Variants in KANSL1 observed in about 807,000 individuals in gnomAD.
KANSL1 encodes KAT8 regulatory NSL complex subunit 1, also known as MLL1/MLL complex subunit KANSL1.
KANSL1 carries 22 observed loss-of-function variants against 103.6 expected under a neutral mutation model. The observed-to-expected ratio is 0.21, with a 90% CI of 0.15 to 0.30. The LOEUF is 0.30. KANSL1 is among the 10% of genes least tolerant of loss of function. KANSL1 has a pLI of 1.00. For missense variants in KANSL1, 1,337 were observed against 1,399.8 expected, an observed-to-expected ratio of 0.96 and a Z score of 0.72; for synonymous variants, 600 against 527.6, an observed-to-expected ratio of 1.14 and a Z score of -1.88.
chr17:46,094,324 T>A, intron 3 of KANSL1: 2 of 530,782 alleles, frequency 3.8e-6, no homozygotes, highest in Middle Eastern at 4.9e-4. Context: ...CTCGAACTCC[T>A]GAGCTCAAAT....
At chr17:46,141,294 A>G (rs2147368462) in intron 2 of KANSL1, among the ~76,000 whole-genome samples, 1 of 152,348 alleles carries the variant, frequency 6.6e-6, no homozygotes, top group East Asian at 1.9e-4. Flanking sequence ...TTACACTCAG[A>G]GGCTATCCCA....
chr17:46,088,067 C>T (rs890862979), intron 3 of KANSL1, among the ~76,000 whole-genome samples: 9 of 152,170 alleles, frequency 5.9e-5, no homozygotes, highest in African/African-American at 2.2e-4. Context: ...TTCGCCATGT[C>T]CCGAGTCAGA....
At chr17:46,177,372 T>G (rs1477377120) in intron 1 of KANSL1, among the ~76,000 whole-genome samples, 4 of 152,232 alleles carry the variant, frequency 2.6e-5, no homozygotes, top group African/African-American at 9.7e-5. Context: ...CCACCTAAGT[T>G]TAGTACTTTA....
chr17:46,120,620 TAAA>T, intron 2 of KANSL1, among the ~76,000 whole-genome samples: 1 of 152,352 alleles, frequency 6.6e-6, no homozygotes, highest in African/African-American at 2.4e-5. Context: ...ATTAATTTTT[TAAA>T]TTAATAGACT....
chr17:46,198,101 G>A (rs1184409187), upstream of KANSL1, among the ~76,000 whole-genome samples: 2 of 152,162 alleles, frequency 1.3e-5, no homozygotes, highest in Non-Finnish European at 2.9e-5. Context: ...GCACAAAAGA[G>A]ACACATCATA....
chr17:46,149,512 TC>T (rs1233709228), intron 2 of KANSL1, among the ~76,000 whole-genome samples: 3 of 152,252 alleles, frequency 2.0e-5, no homozygotes, highest in African/African-American at 7.2e-5. Context: ...ACTACACAAC[TC>T]TTGCCATTAT....
At chr17:46,095,981 G>T (rs1053267510) in intron 2 of KANSL1, among the ~76,000 whole-genome samples, 1 of 152,080 alleles carries the variant, frequency 6.6e-6, no homozygotes, top group Non-Finnish European at 1.5e-5. Flanking sequence ...ATGGGAAAAC[G>T]CACAGTCTCA....
chr17:46,128,470 T>C (rs2043683822), intron 2 of KANSL1, among the ~76,000 whole-genome samples: 1 of 152,150 alleles, frequency 6.6e-6, no homozygotes, highest in Non-Finnish European at 1.5e-5. Flanking sequence ...TGTATGCATA[T>C]ATATGTGCAT....
intron 2 of KANSL1, among the ~76,000 whole-genome samples, chr17:46,164,893 T>C (rs1325713633): frequency 6.6e-6 from 1 of 152,254 alleles, no homozygotes; most frequent in Non-Finnish European, 1.5e-5. Flanking sequence ...CTGAGAAGAC[T>C]TGGGTATCCT....
chr17:46,044,463 T>G (rs143241048), intron 7 of KANSL1: 1 of 152,238 alleles, frequency 6.6e-6, no homozygotes, highest in Admixed American at 6.5e-5. Flanking sequence ...TGCTGGGAAG[T>G]TGCTGTAGCC....
chr17:46,122,016 G>A (rs1463594217), intron 2 of KANSL1, among the ~76,000 whole-genome samples: 2 of 152,194 alleles, frequency 1.3e-5, no homozygotes, highest in African/African-American at 2.4e-5. Flanking sequence ...AACAACGGCT[G>A]TGGGTACTCA....
chr17:46,098,129 C>A (rs571009086), intron 2 of KANSL1, among the ~76,000 whole-genome samples: 58 of 149,762 alleles, frequency 3.9e-4, no homozygotes, highest in Non-Finnish European at 6.9e-4. Context: ...CTCAAGAGAT[C>A]AATAAGAAAC....
intron 3 of KANSL1, chr17:46,093,476 G>A (rs1342322217): frequency 6.7e-6 from 1 of 148,818 alleles, no homozygotes; most frequent in Non-Finnish European, 1.5e-5. Flanking sequence ...ACTTTTAGGG[G>A]GAGGGGGAAT....
intron 1 of KANSL1, among the ~76,000 whole-genome samples, chr17:46,220,996 CT>C (rs56342423): frequency 0.35 from 47,687 of 137,852 alleles, 9,191 homozygotes; most frequent in East Asian, 0.86. Context: ...CCCTAAAGAT[CT>C]TTTTTTTTTT....
intron 2 of KANSL1, among the ~76,000 whole-genome samples, chr17:46,133,509 T>C (rs2043970272): frequency 6.6e-6 from 1 of 152,224 alleles, no homozygotes; most frequent in Non-Finnish European, 1.5e-5. Context: ...GATACGGATA[T>C]AGACTAGGTA....
At chr17:46,195,458 T>C (rs1189014267), upstream of KANSL1, among the ~76,000 whole-genome samples, 5 of 152,288 alleles carry the variant, frequency 3.3e-5, no homozygotes, top group African/African-American at 4.8e-5. Flanking sequence ...CTTTCTCTCA[T>C]TGCTTAGTGC....
chr17:46,116,022 C>G (rs1485004335), intron 2 of KANSL1, among the ~76,000 whole-genome samples: 2 of 152,196 alleles, frequency 1.3e-5, no homozygotes, highest in African/African-American at 4.8e-5. Flanking sequence ...ACTCATGTTA[C>G]TAACTATAGA....
At chr17:46,105,920 C>T (rs2042527883) in intron 2 of KANSL1, among the ~76,000 whole-genome samples, 1 of 90,610 alleles carries the variant, frequency 1.1e-5, no homozygotes, top group South Asian at 3.7e-4. Flanking sequence ...CACACACACA[C>T]ACACACACAC....
At chr17:46,051,854 G>C (rs895044704) in intron 6 of KANSL1, among the ~76,000 whole-genome samples, 1 of 152,146 alleles carries the variant, frequency 6.6e-6, no homozygotes, top group African/African-American at 2.4e-5. Context: ...AGAACAATGT[G>C]GTCTTTATCA....
Sources: allele counts gnomAD v4.1 joint callset (sites outside exome capture counted in the v4.1 genomes callset), GRCh38; gene constraint gnomAD v4.1.1; transcripts MANE v1.5; gene names NCBI Gene and HGNC (gene_info 2026-07-23, HGNC 2026-07-21).